Variants in SRRM4 observed in about 807,000 individuals in gnomAD.
SRRM4 encodes the protein serine/arginine repetitive matrix protein 4.
A neutral mutation model predicts 68.9 loss-of-function variants in SRRM4; 33 were observed. The observed-to-expected ratio is 0.48, with a 90% CI of 0.36 to 0.64. SRRM4 has a LOEUF of 0.64. Among genes scored for constraint, SRRM4 ranks in the 30% least tolerant of loss-of-function variants. SRRM4 has a pLI of 0.00. For synonymous variants in SRRM4, 318 were observed against 318.8 expected (o/e 1.00, Z 0.03); for missense variants, 817 against 827.1 (o/e 0.99, Z 0.15).
chr12:119,002,568 T>C (rs751975146), intron 1 of SRRM4, among the ~76,000 whole-genome samples: 18 of 152,224 alleles, frequency 1.2e-4, no homozygotes, highest in South Asian at 1.0e-3. Context: ...GAAGTGTTTA[T>C]TTCCCATTTG....
At chr12:119,106,868 G>C (rs541164505) in intron 2 of SRRM4, among the ~76,000 whole-genome samples, 1 of 152,316 alleles carries the variant, frequency 6.6e-6, no homozygotes, top group East Asian at 1.9e-4. Context: ...TGGTGAGAGA[G>C]GGCATCCCTG....
At chr12:119,034,783 C>T (rs1953615528) in intron 1 of SRRM4, among the ~76,000 whole-genome samples, 1 of 152,148 alleles carries the variant, frequency 6.6e-6, no homozygotes, top group Admixed American at 6.5e-5. Flanking sequence ...ACACTTTCGT[C>T]CCTGGTTCTT....
chr12:119,039,891 G>A (rs1186454658), intron 1 of SRRM4, among the ~76,000 whole-genome samples: 1 of 151,992 alleles, frequency 6.6e-6, no homozygotes, highest in Non-Finnish European at 1.5e-5. Context: ...CCATATACCA[G>A]GGCAGGAAAC....
chr12:119,063,080 G>A (rs371753807), intron 1 of SRRM4, among the ~76,000 whole-genome samples: 29 of 152,252 alleles, frequency 1.9e-4, no homozygotes, highest in East Asian at 1.7e-3. Context: ...AATGGTTTAC[G>A]TTATCACATT....
chr12:119,004,575 G>A (rs905708872), intron 1 of SRRM4, among the ~76,000 whole-genome samples: 1 of 151,952 alleles, frequency 6.6e-6, no homozygotes, highest in Non-Finnish European at 1.5e-5. Flanking sequence ...GATGGATTGA[G>A]AGAACTAGCC....
At chr12:119,097,755 A>C (rs7301371) in intron 1 of SRRM4, among the ~76,000 whole-genome samples, 12,006 of 152,168 alleles carry the variant, frequency 0.079, 528 homozygotes, top group African/African-American at 0.1. Flanking sequence ...ACTGTCCTCA[A>C]CCTAAGCCTT....
intron 7 of SRRM4, among the ~76,000 whole-genome samples, chr12:119,129,864 G>A (rs1954282845): frequency 6.7e-6 from 1 of 150,324 alleles, no homozygotes; most frequent in Non-Finnish European, 1.5e-5. Flanking sequence ...TGAATGGTTA[G>A]TTGGACAAAT....
intron 1 of SRRM4, among the ~76,000 whole-genome samples, chr12:119,000,350 C>A (rs541022602): frequency 6.6e-6 from 1 of 152,222 alleles, no homozygotes; most frequent in East Asian, 1.9e-4. Flanking sequence ...CTAAAATAAG[C>A]CTAGTCATCT....
chr12:119,122,302 G>GGAAA (rs1248276541), intron 6 of SRRM4, among the ~76,000 whole-genome samples, 182 bp downstream of exon 6: 1 of 108,658 alleles, frequency 9.2e-6, no homozygotes, highest in Non-Finnish European at 2.3e-5. Flanking sequence ...CAGGAAGGAA[G>GGAAA]GAAGGAAGGA....
At chr12:119,086,174 A>G (rs1953978586) in intron 1 of SRRM4, among the ~76,000 whole-genome samples, 1 of 152,128 alleles carries the variant, frequency 6.6e-6, no homozygotes, top group African/African-American at 2.4e-5. Flanking sequence ...GGATATTGAA[A>G]ACATCTGGGT....
intron 2 of SRRM4, among the ~76,000 whole-genome samples, chr12:119,113,806 A>C (rs1183997386): frequency 6.6e-6 from 1 of 152,154 alleles, no homozygotes; most frequent in African/African-American, 2.4e-5. Context: ...AATATAAGAT[A>C]CGTATCTCGT....
At chr12:119,057,976 C>A (rs1027571877) in intron 1 of SRRM4, among the ~76,000 whole-genome samples, 3 of 152,118 alleles carry the variant, frequency 2.0e-5, no homozygotes, top group Admixed American at 6.5e-5. Flanking sequence ...GGAAGGACAT[C>A]TCCTGGAAAA....
chr12:119,036,702 T>C (rs1157330811), intron 1 of SRRM4: 1 of 152,270 alleles, frequency 6.6e-6, no homozygotes, highest in Non-Finnish European at 1.5e-5. Flanking sequence ...GGTCCAGGTT[T>C]AAGGGAGAAG....
chr12:119,101,366 C>T (rs1031475136), intron 1 of SRRM4, among the ~76,000 whole-genome samples: 6 of 152,058 alleles, frequency 3.9e-5, no homozygotes, highest in Admixed American at 2.6e-4. Flanking sequence ...GACTCATAGA[C>T]GACGCCTCAG....
At chr12:119,137,478 C>T (rs1020630002) in intron 8 of SRRM4, among the ~76,000 whole-genome samples, 8 of 151,994 alleles carry the variant, frequency 5.3e-5, no homozygotes, top group African/African-American at 1.2e-4. Flanking sequence ...CCCAGTGAAA[C>T]GCCAGGGAGC....
At chr12:119,050,418 T>C (rs1953735235) in intron 1 of SRRM4, among the ~76,000 whole-genome samples, 1 of 152,230 alleles carries the variant, frequency 6.6e-6, no homozygotes, top group Non-Finnish European at 1.5e-5. Context: ...GGGATTTTGC[T>C]CAGCATAGCT....
At chr12:119,079,544 C>T (rs530099931) in intron 1 of SRRM4, among the ~76,000 whole-genome samples, 12 of 152,192 alleles carry the variant, frequency 7.9e-5, no homozygotes, top group African/African-American at 2.6e-4. Flanking sequence ...TCCCCAGCCT[C>T]GTGTGTTTGC....
chr12:119,076,466 G>T (rs1953917149), intron 1 of SRRM4, among the ~76,000 whole-genome samples: 1 of 152,194 alleles, frequency 6.6e-6, no homozygotes, highest in Non-Finnish European at 1.5e-5. Context: ...GCTCCTCCCT[G>T]CCATTCACAT....
chr12:119,022,045 G>T (rs1383914416), intron 1 of SRRM4, among the ~76,000 whole-genome samples: 1 of 152,126 alleles, frequency 6.6e-6, no homozygotes, highest in Non-Finnish European at 1.5e-5. Context: ...GGAGGGCAAA[G>T]CATCAGGATA....
Sources: allele counts gnomAD v4.1 joint callset (sites outside exome capture counted in the v4.1 genomes callset), GRCh38; gene constraint gnomAD v4.1.1; transcripts MANE v1.5; gene names NCBI Gene and HGNC (gene_info 2026-07-23, HGNC 2026-07-21).